PCARE: variants seen among roughly 807,000 people sequenced by gnomAD.
The protein encoded by PCARE is uncharacterized protein C2orf71.
In PCARE, 72 loss-of-function variants were observed where a neutral mutation model predicts 82.2. The ratio of observed to expected loss-of-function variants is 0.88; its 90% CI spans 0.72 to 1.07. The LOEUF is 1.07. PCARE is among the 50% of genes least tolerant of loss of function. The pLI, the probability that PCARE is intolerant of heterozygous loss-of-function variation, is 0.00. For missense variants in PCARE, 1,768 were observed against 1,592.4 expected, an observed-to-expected ratio of 1.11 and a Z score of -1.88; for synonymous variants, 705 against 634.8, an observed-to-expected ratio of 1.11 and a Z score of -1.66.
At position 29,073,578 on chromosome 2, in the gene PCARE, CT is replaced by C; in HGVS notation, c.683del (p.Glu228GlyfsTer28). ...MVSFLLLCFE[E>X]ISQLLGEISK... ...AGATCTCCCCCAACAGCTGGCTGAT[CT>C]CCTCAAAGCACAGCAGCAAGAAGCT... On this transcript the variant is annotated frameshift_variant, in exon 1 of 2. Coordinates refer to ENST00000331664, the MANE Select transcript of PCARE (RefSeq NM_001029883.3). LOFTEE classifies it high-confidence loss of function. 1.2e-6 allele frequency: 2 copies of C among 1,614,202 alleles called. No individual in the cohort carries two copies. The highest frequency in any genetic ancestry group is 1.7e-6 in the Non-Finnish European group (2 of 1,180,038).
chr2:29,071,038 G>A lies in PCARE; in HGVS notation c.3224C>T (p.Thr1075Ile), dbSNP rs750475504. The change falls in exon 1 of 2, where the codon ACC (threonine) becomes ATC (isoleucine). Residue 1075 changes from threonine (T) to isoleucine (I), a missense_variant. Physicochemically the swap from Thr to Ile is moderately conservative, Grantham distance 89. Coordinates refer to ENST00000331664, the MANE Select transcript of PCARE (RefSeq NM_001029883.3). Reference protein sequence around the residue: ...PAQCKVPSPPTQHPEASPPFS... With the variant: ...PAQCKVPSPPIQHPEASPPFS... The stretch of plus-strand genomic sequence containing the variant: ...AGGGGGGCTTGCTTCTGGGTGCTGG[G>A]TTGGGGGGCTGGGGACCTTGCACTG... 4 of 1,576,612 alleles carry A rather than the reference G, an allele frequency of 2.5e-6. No individual in the cohort carries two copies. Among genetic ancestry groups the A allele is most frequent in the Non-Finnish European group, 3.5e-6 (4 of 1,157,308 alleles).
rs1289859243 is a variant in PCARE at position 29,065,033 on chromosome 2, GCT to G, written c.3701_3702del (p.Glu1234AlafsTer9). On this transcript the variant is annotated frameshift_variant, in exon 2 of 2. Coordinates refer to ENST00000331664, the MANE Select transcript of PCARE (RefSeq NM_001029883.3). LOFTEE classifies it low-confidence loss of function (END_TRUNC). ...SSEESPKKDT[E>X]PGSSPCSPEL... ...TCAGGGGAACAGGGGCTGCTCCCCG[GCT>G]CTGTGTCCTTCTTAGGGCTCTCCTC... 6.4e-7 allele frequency: 1 copy of G among 1,553,398 alleles called. No homozygotes were observed. The highest frequency in any genetic ancestry group is 1.4e-5 in the African/African-American group (1 of 72,766).
At chr2:29,069,842 C>CA (rs2148414377) in intron 1 of PCARE, among the ~76,000 whole-genome samples, 1 of 152,274 alleles carries the variant, frequency 6.6e-6, no homozygotes, top group South Asian at 2.1e-4. Context: ...CCTCCACACG[C>CA]AAAGGCTCTT....
rs774365037 is a variant in PCARE at position 29,070,749 on chromosome 2, C to T, written c.3513G>A (p.Leu1171=). Residue 1171 remains leucine, a synonymous_variant, in exon 1 of 2, where the codon CTG becomes CTA. Transcript: ENST00000331664. ...ECWKNSSGPW[L]RADSQRRAAL... is the part of the protein sequence containing the mutation. ...CTGCTCTCCGCTGCGAGTCTGCTCT[C>T]AGCCAAGGCCCTGAGCTGTTCTTCC... 2 of 1,614,066 alleles carry T rather than the reference C, an allele frequency of 1.2e-6. No individual in the cohort carries two copies. The highest frequency in any genetic ancestry group is 2.7e-5 in the African/African-American group (2 of 74,942).
chr2:29,073,284 C>A lies in PCARE; in HGVS notation c.978G>T (p.Arg326Ser). Residue 326 changes from arginine (R) to serine (S), a missense_variant, in exon 1 of 2, where the codon AGG becomes AGT. Arg to Ser is a moderately radical substitution (Grantham distance 110, BLOSUM62 -1). Coordinates refer to ENST00000331664, the MANE Select transcript of PCARE (RefSeq NM_001029883.3). Reference sequence around the variant, plus strand: ...AGCCACTCGCCAGGCTCTCTAGCTGCCTCAGAGCCCTCAGGAGGCGTTCAT... The same window carrying A: ...AGCCACTCGCCAGGCTCTCTAGCTGACTCAGAGCCCTCAGGAGGCGTTCAT... ...NVDERLLRAL[R>S]QLESLASGCG... 1 of 1,614,146 alleles carries A rather than the reference C, an allele frequency of 6.2e-7. No individual in the cohort carries two copies. Among genetic ancestry groups the A allele is most frequent in the Admixed American group, 1.7e-5 (1 of 60,022 alleles).
Position 29,072,307 on chromosome 2 carries a change from T to C in PCARE, c.1955A>G (p.Asn652Ser). ...LQPRAAAVWP[N>S]GTCRVSPSNT... ...GCTTGGACTGACCCTGCAGGTGCCA[T>C]TGGGCCACACGGCGGCTGCTCTGGG... Residue 652 changes from asparagine (N) to serine (S), a missense_variant, in exon 1 of 2, where the codon AAT (asparagine) becomes AGT (serine). Asn to Ser is a conservative substitution (Grantham distance 46, BLOSUM62 1). Coordinates refer to ENST00000331664, the MANE Select transcript of PCARE (RefSeq NM_001029883.3). The C allele has an allele frequency of 1.9e-6, 3 of 1,614,200 alleles. No individual in the cohort carries two copies. Among genetic ancestry groups the C allele is most frequent in the South Asian group, 1.1e-5 (1 of 91,084 alleles).
Position 29,073,392 on chromosome 2 carries a change from G to C in PCARE, c.870C>G (p.Gly290=), listed in dbSNP as rs1667528766. 6.2e-7 allele frequency: 1 copy of C among 1,613,890 alleles called. No individual in the cohort carries two copies. The highest frequency in any genetic ancestry group is 8.5e-7 in the Non-Finnish European group (1 of 1,180,048). ...AGCTGCTGGAGCCCTCCAGGAAGCTGCCGGTGAGCGAGGCCACTGTGCCAT... is the reference window on the plus strand; with the variant it reads ...AGCTGCTGGAGCCCTCCAGGAAGCTCCCGGTGAGCGAGGCCACTGTGCCAT... ...VLNGTVASLT[G]SFLEGSSSYL... The change falls in exon 1 of 2, where the codon GGC becomes GGG. Residue 290 remains glycine (G), a synonymous_variant. Coordinates refer to ENST00000331664, the MANE Select transcript of PCARE (RefSeq NM_001029883.3).
intron 1 of PCARE, among the ~76,000 whole-genome samples, chr2:29,066,823 A>G (rs1667398270): frequency 6.6e-6 from 1 of 152,242 alleles, no homozygotes; most frequent in Non-Finnish European, 1.5e-5. Flanking sequence ...ATGCCTGGGC[A>G]GTCCAGGCCA....
rs917170084 is a variant in PCARE at position 29,063,012 on chromosome 2, CTG to C, written c.*1855_*1856del. ...AGCTAGACCTCAAAGGCCGCTCACA[CTG>C]TGTGTCTCCTGCTCACTCAGCTCAG... is the stretch of plus-strand genomic sequence containing the variant. On this transcript the variant is annotated 3_prime_UTR_variant, in exon 2 of 2. Coordinates refer to ENST00000331664, the MANE Select transcript of PCARE (RefSeq NM_001029883.3). 1.0e-4 allele frequency: 16 copies of C among 152,404 alleles called. No individual in the cohort carries two copies. Among genetic ancestry groups the C allele is most frequent in the Admixed American group, 9.1e-4 (14 of 15,308 alleles). 9.4% of individuals were successfully genotyped at this position (152,404 alleles called of 1,614,324 possible).
At chr2:29,070,458 C>A in intron 1 of PCARE, 136 bp downstream of exon 1, 8 of 1,163,682 alleles carry the variant, frequency 6.9e-6, no homozygotes, top group Non-Finnish European at 1.0e-5. Context: ...CTGCCCCCTA[C>A]ACCTTTTTCC....
Position 29,073,566 on chromosome 2 carries a change from CA to C in PCARE, c.695del (p.Leu232ArgfsTer24), listed in dbSNP as rs1289515103. On this transcript the variant is annotated frameshift_variant, in exon 1 of 2. Transcript: ENST00000331664. LOFTEE classifies it high-confidence loss of function. ...CTCCATCCTTGGAGATCTCCCCCAA[CA>C]GCTGGCTGATCTCCTCAAAGCACAG... ...LLLCFEEISQ[L>X]LGEISKDGEV... 6.2e-7 allele frequency: 1 copy of C among 1,614,242 alleles called. No homozygotes were observed. Among genetic ancestry groups the C allele is most frequent in the Admixed American group, 1.7e-5 (1 of 60,036 alleles).
In PCARE at chr2:29,074,269, G is replaced by T; in HGVS notation, c.-8C>A. The T allele has an allele frequency of 6.6e-7, 1 of 1,520,584 alleles. No individual in the cohort carries two copies. The highest frequency in any genetic ancestry group is 8.8e-7 in the Non-Finnish European group (1 of 1,136,638). The allele number at this position is 1,520,584 out of a possible 1,614,324, so 94.2% of individuals were successfully genotyped here. A position where few individuals can be genotyped will look rare whatever the true frequency, so the allele number is the denominator to read the frequency against. ...TGAAGGTGTACACCCCATGATTTCA[G>T]CTTGTAGTCATCTTCCACCCACCTT... On this transcript the variant is annotated 5_prime_UTR_variant, in exon 1 of 2. The change creates a new upstream start codon in the 5' untranslated region. Transcript: ENST00000331664.
intron 1 of PCARE, among the ~76,000 whole-genome samples, chr2:29,067,921 C>A (rs984260243): frequency 5.3e-5 from 8 of 152,222 alleles, no homozygotes; most frequent in African/African-American, 1.7e-4. Flanking sequence ...ACAAAACAAC[C>A]TTTTAGGCTG....
Position 29,074,183 on chromosome 2 carries a change from C to T in PCARE, c.79G>A (p.Ala27Thr). ...SGIQFLKKPK[A>T]IRPGCQGGSE... The stretch of plus-strand genomic sequence containing the variant: ...CCGCCCTGACATCCTGGCCGAATTG[C>T]TTTGGGCTTTTTCAAGAACTGAATG... Residue 27 changes from alanine (A) to threonine (T), a missense_variant, in exon 1 of 2, where the codon GCA (alanine) becomes ACA (threonine). Physicochemically the swap from Ala to Thr is moderately conservative, Grantham distance 58. Coordinates refer to ENST00000331664, the MANE Select transcript of PCARE (RefSeq NM_001029883.3). 6.2e-7 allele frequency: 1 copy of T among 1,606,494 alleles called. No homozygotes were observed. Among genetic ancestry groups the T allele is most frequent in the Non-Finnish European group, 8.5e-7 (1 of 1,175,480 alleles).
rs2148416174 is a variant in PCARE, at chr2:29,072,652, G to T, written c.1610C>A (p.Ala537Asp). The T allele has an allele frequency of 6.2e-7, 1 of 1,614,028 alleles. No individual in the cohort carries two copies. The highest frequency in any genetic ancestry group is 1.3e-5 in the African/African-American group (1 of 75,044). The change falls in exon 1 of 2, where the codon GCC (alanine) becomes GAC (aspartate). Residue 537 changes from alanine to aspartate, a missense_variant. Transcript: ENST00000331664. ...ARTRRLRSLQ[A>D]QEMILKMKES... is the part of the protein sequence containing the mutation. ...CTTCATCTTCAGAATCATTTCCTGG[G>T]CCTGGAGGCTCCTAAGCCTCCTGGT...
In PCARE at chr2:29,072,475, G is replaced by A. The variant is rs200447763; in HGVS notation, c.1787C>T (p.Ser596Leu). The change falls in exon 1 of 2, where the codon TCA (serine) becomes TTA (leucine). Residue 596 changes from serine to leucine, a missense_variant. Transcript: ENST00000331664. ...CACGTGACTCTGGAGACACGACTCT[G>A]ACTGGGACCTCGTCTGCCTCTCAGG... Reference protein sequence around the residue: ...RAPERQTRSQSESCLQSHVED... With the variant: ...RAPERQTRSQLESCLQSHVED... 2.5e-5 allele frequency: 41 copies of A among 1,614,208 alleles called. No homozygotes were observed. The highest frequency in any genetic ancestry group is 3.5e-5 in the Non-Finnish European group (41 of 1,180,024).
rs1667504568 is a variant in PCARE, at chr2:29,072,290, T to C, written c.1972A>G (p.Ser658Gly). 6.2e-7 allele frequency: 1 copy of C among 1,614,232 alleles called. No individual in the cohort carries two copies. The highest frequency in any genetic ancestry group is 1.1e-5 in the South Asian group (1 of 91,084). The change falls in exon 1 of 2, where the codon AGT (serine) becomes GGT (glycine). Residue 658 changes from serine to glycine, a missense_variant. Physicochemically the swap from Ser to Gly is moderately conservative, Grantham distance 56. Coordinates refer to ENST00000331664, the MANE Select transcript of PCARE (RefSeq NM_001029883.3). ...AVWPNGTCRVSPSNTTSRLKA... is the reference protein window; with the variant it reads ...AVWPNGTCRVGPSNTTSRLKA... ...AGCCTGCTGGTGGTGTTGCTTGGAC[T>C]GACCCTGCAGGTGCCATTGGGCCAC...
Position 29,071,022 on chromosome 2 carries a change from T to G in PCARE, c.3240A>C (p.Ala1080=). ...GGGAGGGAATCGAGAAAGGGGGGCT[T>G]GCTTCTGGGTGCTGGGTTGGGGGGC... ...VPSPPTQHPE[A]SPPFSIPSPS... is the part of the protein sequence containing the mutation. Residue 1080 remains alanine (A), a synonymous_variant, in exon 1 of 2, where the codon GCA becomes GCC. Transcript: ENST00000331664. 2 of 1,363,876 alleles carry G rather than the reference T, an allele frequency of 1.5e-6. No homozygotes were observed. Among genetic ancestry groups the G allele is most frequent in the Non-Finnish European group, 1.9e-6 (2 of 1,027,354 alleles). The allele number at this position is 1,363,876 out of a possible 1,614,324, so 84.5% of individuals were successfully genotyped here. A position where few individuals can be genotyped will look rare whatever the true frequency, so the allele number is the denominator to read the frequency against.
rs201781577 is a variant in PCARE at position 29,065,060 on chromosome 2, C to T, written c.3676G>A (p.Glu1226Lys). The T allele has an allele frequency of 1.7e-5, 27 of 1,549,624 alleles. No individual in the cohort carries two copies. Among genetic ancestry groups the T allele is most frequent in the East Asian group, 4.9e-5 (2 of 40,868 alleles). ...TCTGTGTCCTTCTTAGGGCTCTCCT[C>T]GCTGCTGCTGCCGAGAGAAAGGACA... ...ESQLGQNSSS[E>K]ESPKKDTEPG... Residue 1226 changes from glutamate to lysine, a missense_variant, in exon 2 of 2, where the codon GAG (glutamate) becomes AAG (lysine). By Grantham distance (56) the Glu-to-Lys change is moderately conservative (BLOSUM62 1). Transcript: ENST00000331664.
Sources: allele counts gnomAD v4.1 joint callset (sites outside exome capture counted in the v4.1 genomes callset), GRCh38; gene constraint gnomAD v4.1.1; transcripts MANE v1.5; gene names NCBI Gene and HGNC (gene_info 2026-07-23, HGNC 2026-07-21).